Variants in ESRRG observed in about 807,000 individuals in gnomAD.
ESRRG encodes the protein estrogen related receptor gamma, also known as estrogen-related receptor gamma.
A neutral mutation model predicts 44.0 loss-of-function variants in ESRRG; 13 were observed. The observed-to-expected ratio is 0.30, with a 90% CI of 0.19 to 0.47. The LOEUF (loss-of-function observed/expected upper bound fraction) is 0.47. Ranked by LOEUF, ESRRG falls within the 20% of genes least tolerant of loss-of-function variation. ESRRG has a pLI of 1.00. For synonymous variants in ESRRG, 215 were observed against 214.6 expected (o/e 1.00, Z -0.02); for missense variants, 395 against 580.6 (o/e 0.68, Z 3.29).
chr1:216,639,869 A>G (rs994549604), intron 3 of ESRRG, among the ~76,000 whole-genome samples: 2 of 152,202 alleles, frequency 1.3e-5, no homozygotes, highest in Non-Finnish European at 2.9e-5. Flanking sequence ...TCTATAAAAG[A>G]AGAGTATCTT....
chr1:217,102,296 G>A lies in ESRRG; in HGVS notation c.-230+35371C>T, dbSNP rs141498019. On this transcript the variant is annotated intron_variant, in intron 1 of 8. Coordinates refer to the ESRRG transcript ENST00000366940. ...ATCAGCAAGTAAGTGTGGGATCTGGGAGTCAATCCCAGCAGCATGGCCCAG... is the reference window on the plus strand; with the variant it reads ...ATCAGCAAGTAAGTGTGGGATCTGGAAGTCAATCCCAGCAGCATGGCCCAG... 8.1e-3 allele frequency among the ~76,000 whole-genome samples: 1,241 copies of A among 152,306 alleles called. 11 individuals are homozygous for A. Among genetic ancestry groups the A allele is most frequent in the Middle Eastern group, 0.031 (9 of 294 alleles).
chr1:216,666,458 G>C (rs1026135034), intron 2 of ESRRG, among the ~76,000 whole-genome samples: 10 of 152,162 alleles, frequency 6.6e-5, no homozygotes, highest in African/African-American at 2.2e-4. Context: ...CCGTTCAGTA[G>C]ACTGAGGCTA....
At chr1:216,962,083 A>AT (rs5780950) in intron 1 of ESRRG, among the ~76,000 whole-genome samples, 78,211 of 151,854 alleles carry the variant, frequency 0.52, 21,879 homozygotes, top group Middle Eastern at 0.7. Flanking sequence ...GCTTTCTGCT[A>AT]TTTTTTTAAC....
chr1:217,053,013 C>T (rs1164258593), intron 1 of ESRRG, among the ~76,000 whole-genome samples: 1 of 151,784 alleles, frequency 6.6e-6, no homozygotes, highest in African/African-American at 2.4e-5. Flanking sequence ...ATCAAAATTG[C>T]ATATCCTTTA....
chr1:216,749,239 C>T (rs571169437), intron 2 of ESRRG, among the ~76,000 whole-genome samples: 56 of 151,994 alleles, frequency 3.7e-4, no homozygotes, highest in African/African-American at 7.5e-4. Flanking sequence ...CCATCCAGTG[C>T]GCTGGGCAAA....
chr1:216,612,303 T>C (rs2060782596), intron 3 of ESRRG, among the ~76,000 whole-genome samples: 3 of 151,914 alleles, frequency 2.0e-5, no homozygotes, highest in South Asian at 4.2e-4. Context: ...TCTGTATATT[T>C]AATAATCCTA....
chr1:216,756,140 C>G (rs1012334068), intron 2 of ESRRG, among the ~76,000 whole-genome samples: 3 of 151,974 alleles, frequency 2.0e-5, no homozygotes, highest in African/African-American at 7.2e-5. Context: ...TCTGCTCTAT[C>G]TAATTCACAG....
upstream of ESRRG, chr1:216,723,539 C>T (rs1294747558): frequency 5.8e-6 from 3 of 514,628 alleles, no homozygotes; most frequent in Non-Finnish European, 6.9e-6. Flanking sequence ...ATTGGGGGGC[C>T]TCTGCCCAAT....
At chr1:217,063,707 C>T (rs1022642244) in intron 1 of ESRRG, among the ~76,000 whole-genome samples, 3 of 152,170 alleles carry the variant, frequency 2.0e-5, no homozygotes, top group Non-Finnish European at 4.4e-5. Context: ...CTGACCCAGA[C>T]ATTATCAAAC....
chr1:216,966,369 G>A lies in ESRRG; in HGVS notation c.-105-26696C>T, dbSNP rs80078461. Among the ~76,000 whole-genome samples the A allele has an allele frequency of 2.3e-3, 344 of 152,242 alleles. 2 individuals are homozygous for A. Among genetic ancestry groups the A allele is most frequent in the African/African-American group, 7.6e-3 (315 of 41,546 alleles). ...TCTATACGTATGAATTCTGATACTAGGAGCAAAGTAAGGATTTGTTGTCCA... is the reference window on the plus strand; with the variant it reads ...TCTATACGTATGAATTCTGATACTAAGAGCAAAGTAAGGATTTGTTGTCCA... On this transcript the variant is annotated intron_variant, in intron 1 of 7. Coordinates refer to the ESRRG transcript ENST00000359162.
chr1:216,757,734 T>G (rs1179474686), intron 2 of ESRRG, among the ~76,000 whole-genome samples: 1 of 152,084 alleles, frequency 6.6e-6, no homozygotes, highest in Admixed American at 6.6e-5. Context: ...GATATAGTCC[T>G]GTCTAATCCT....
chr1:217,004,211 T>C lies in ESRRG; in HGVS notation c.-105-64538A>G, dbSNP rs115527359. Among the ~76,000 whole-genome samples the C allele has an allele frequency of 6.7e-3, 1,018 of 152,260 alleles. 8 individuals carry two copies. The highest frequency in any genetic ancestry group is 0.022 in the African/African-American group (931 of 41,556). On this transcript the variant is annotated intron_variant, in intron 1 of 7. Coordinates refer to the ESRRG transcript ENST00000359162. ...GTTTTCACAAGTTTTAGAGAGGACTTTAAAAGAAAGAAGAATGGATTACTG... is the reference window on the plus strand; with the variant it reads ...GTTTTCACAAGTTTTAGAGAGGACTCTAAAAGAAAGAAGAATGGATTACTG...
rs1214216274 is a variant in ESRRG, at chr1:216,560,854, A to AT, written c.862+3364dup. On this transcript the variant is annotated intron_variant, in intron 5 of 6. Coordinates refer to ENST00000408911, the MANE Select transcript of ESRRG (RefSeq NM_001438.4). Reference sequence around the variant, plus strand: ...GAGCGCGGACGAAATTGAAAGAGAAATAAAAAAGAGTCAGGCAGATAGGAA... The same window carrying AT: ...GAGCGCGGACGAAATTGAAAGAGAAATTAAAAAAGAGTCAGGCAGATAGGAA... Among the ~76,000 whole-genome samples, 3 of 152,332 alleles carry AT rather than the reference A, an allele frequency of 2.0e-5. No homozygotes were observed. In the East Asian group the frequency reaches 5.8e-4, roughly 29 times the overall value.
intron 2 of ESRRG, among the ~76,000 whole-genome samples, chr1:216,819,691 C>T (rs1576905407): frequency 6.6e-6 from 1 of 151,916 alleles, no homozygotes; most frequent in Non-Finnish European, 1.5e-5. Flanking sequence ...TTTATTTTGG[C>T]TATGTTCAGT....
chr1:216,869,602 T>C lies in ESRRG; in HGVS notation c.-14+69980A>G, dbSNP rs561543970. ...CAAGAACATCCGCCTAGGAATTTTA[T>C]AGAAATTTCATTAAATCTATTGATC... On this transcript the variant is annotated intron_variant, in intron 2 of 7. Transcript: ENST00000359162. Among the ~76,000 whole-genome samples, 43 of 152,232 alleles carry C rather than the reference T, an allele frequency of 2.8e-4. No individual in the cohort carries two copies. In the South Asian group the frequency reaches 8.5e-3, roughly 30 times the overall value.
At chr1:216,513,531 T>C (rs542117910) in intron 6 of ESRRG, among the ~76,000 whole-genome samples, 84 of 152,310 alleles carry the variant, frequency 5.5e-4, no homozygotes, top group African/African-American at 1.9e-3. Context: ...TATTTCTTGC[T>C]GTGGCTAAAA....
At chr1:216,873,209 G>GTTTTTT (rs754735743) in intron 2 of ESRRG, among the ~76,000 whole-genome samples, 3,253 of 105,840 alleles carry the variant, frequency 0.031, 228 homozygotes, top group Middle Eastern at 0.051. Flanking sequence ...CATCTTTTCA[G>GTTTTTT]TTTTTTTTTT....
intron 5 of ESRRG, among the ~76,000 whole-genome samples, chr1:216,531,934 CA>C (rs921220375): frequency 6.6e-6 from 1 of 151,220 alleles, no homozygotes; most frequent in East Asian, 1.9e-4. Context: ...TGAAACCCTG[CA>C]AAAAAAACCC....
chr1:216,605,957 T>C (rs1391249615), intron 3 of ESRRG, among the ~76,000 whole-genome samples: 2 of 152,028 alleles, frequency 1.3e-5, no homozygotes, highest in Non-Finnish European at 2.9e-5. Flanking sequence ...TTGTTTGCAA[T>C]ACTTTGCTGC....
Sources: gnomAD v4.1 joint callset for allele counts (sites outside exome capture counted in the v4.1 genomes callset) on GRCh38, gnomAD v4.1.1 for gene constraint, MANE v1.5 for transcripts, NCBI Gene and HGNC (gene_info 2026-07-23, HGNC 2026-07-21) for gene names.